DAAM1: variants seen among roughly 807,000 people sequenced by gnomAD.
DAAM1 encodes dishevelled associated activator of morphogenesis 1.
DAAM1 carries 52 observed loss-of-function variants against 130.0 expected under a neutral mutation model. The observed-to-expected ratio is 0.40, with a 90% CI of 0.32 to 0.50. The LOEUF is 0.50. Ranked by LOEUF, DAAM1 falls within the 20% of genes least tolerant of loss-of-function variation. The pLI, the probability that DAAM1 is intolerant of heterozygous loss-of-function variation, is 0.61. For missense variants in DAAM1, 1,134 were observed against 1,303.8 expected, an observed-to-expected ratio of 0.87 and a Z score of 2.01; for synonymous variants, 452 against 444.5, an observed-to-expected ratio of 1.02 and a Z score of -0.21.
intron 1 of DAAM1, among the ~76,000 whole-genome samples, chr14:59,247,069 A>G (rs1429987063): frequency 3.9e-5 from 6 of 152,130 alleles, no homozygotes; most frequent in Non-Finnish European, 8.8e-5. Flanking sequence ...ATTTTTATGT[A>G]TGATGTAAGA....
intron 17 of DAAM1, among the ~76,000 whole-genome samples, chr14:59,350,364 C>T (rs1455584285): frequency 6.6e-6 from 1 of 152,010 alleles, no homozygotes; most frequent in Non-Finnish European, 1.5e-5. Flanking sequence ...CATAAACACA[C>T]CCCTACATAC....
At chr14:59,197,261 G>A (rs1426933158) in intron 1 of DAAM1, among the ~76,000 whole-genome samples, 1 of 152,236 alleles carries the variant, frequency 6.6e-6, no homozygotes. Context: ...ATTAGTGGCT[G>A]CTATTTGATT....
At chr14:59,284,236 GT>G (rs1464026965) in intron 2 of DAAM1, among the ~76,000 whole-genome samples, 1 of 152,220 alleles carries the variant, frequency 6.6e-6, no homozygotes, top group East Asian at 1.9e-4. Flanking sequence ...AGTGTTCGTG[GT>G]TTCAGTGAGA....
At position 59,361,485 on chromosome 14, in the gene DAAM1, G is replaced by A. The variant is rs533202752; in HGVS notation, c.2694+623G>A. 4.6e-5 allele frequency among the ~76,000 whole-genome samples: 7 copies of A among 152,314 alleles called. No individual in the cohort carries two copies. In the South Asian group the frequency reaches 1.2e-3, roughly 27 times the overall value. ...CATGAGGAACAATTGGCCCCTATTG[G>A]AGGAAGCTTCTCTTTTGGAAAAGAA... is the stretch of plus-strand genomic sequence containing the variant. On this transcript the variant is annotated intron_variant, in intron 22 of 24. Transcript: ENST00000360909.
intron 1 of DAAM1, among the ~76,000 whole-genome samples, chr14:59,196,736 C>T (rs916143613): frequency 1.3e-5 from 2 of 151,740 alleles, no homozygotes; most frequent in African/African-American, 4.8e-5. Flanking sequence ...GAGCGAGATT[C>T]TGTCTCAAAA....
chr14:59,194,345 G>A (rs1047710834), intron 1 of DAAM1, among the ~76,000 whole-genome samples: 8 of 152,166 alleles, frequency 5.3e-5, no homozygotes, highest in African/African-American at 1.9e-4. Flanking sequence ...TAAAAATGTT[G>A]TTTTTGAGTA....
In DAAM1 at chr14:59,263,750, G is replaced by T. The variant is rs143294830; in HGVS notation, c.183+90G>T. 9.1e-6 allele frequency: 14 copies of T among 1,533,098 alleles called. No homozygotes were observed. The East Asian group carries it at 3.2e-4, about 35-fold the overall frequency. 95.0% of individuals were successfully genotyped at this position (1,533,098 alleles called of 1,614,324 possible). A position where few individuals can be genotyped will look rare whatever the true frequency, so the allele number is the denominator to read the frequency against. On this transcript the variant is annotated intron_variant, in intron 2 of 24. Transcript: ENST00000360909. ...GAATGAGTTGGTTTGGTTTGACATG[G>T]ACTTTTCCTTTTCAGTGAAATGGCC... is the stretch of plus-strand genomic sequence containing the variant.
intron 1 of DAAM1, among the ~76,000 whole-genome samples, chr14:59,200,343 A>G (rs1888061211): frequency 6.6e-6 from 1 of 152,180 alleles, no homozygotes; most frequent in Non-Finnish European, 1.5e-5. Flanking sequence ...CATTATTGTC[A>G]AATGCCAAAA....
chr14:59,209,531 C>A (rs993088777), intron 1 of DAAM1, among the ~76,000 whole-genome samples: 1 of 152,146 alleles, frequency 6.6e-6, no homozygotes, highest in African/African-American at 2.4e-5. Context: ...ACTTTGAATA[C>A]CCATACAACC....
At chr14:59,289,784 A>ATATATATATATATATATACATAT in intron 2 of DAAM1, among the ~76,000 whole-genome samples, 1 of 128,710 alleles carries the variant, frequency 7.8e-6, no homozygotes, top group African/African-American at 2.9e-5. Flanking sequence ...ATATATATAT[A>ATATATATATATATATATACATAT]ATGGAATGCT....
At chr14:59,224,514 A>G (rs1888875321) in intron 1 of DAAM1, among the ~76,000 whole-genome samples, 1 of 152,172 alleles carries the variant, frequency 6.6e-6, no homozygotes, top group African/African-American at 2.4e-5. Context: ...AACTTGTTTG[A>G]TTTCACAGGC....
chr14:59,308,581 A>C (rs1884456664), intron 3 of DAAM1, among the ~76,000 whole-genome samples: 1 of 152,170 alleles, frequency 6.6e-6, no homozygotes, highest in Non-Finnish European at 1.5e-5. Context: ...TCTCAAGAGC[A>C]GATGATGGAT....
At chr14:59,292,063 C>A (rs1883760684) in intron 3 of DAAM1, among the ~76,000 whole-genome samples, 1 of 152,148 alleles carries the variant, frequency 6.6e-6, no homozygotes, top group South Asian at 2.1e-4. Flanking sequence ...ACTCTGCCAA[C>A]TTTTAAACCC....
intron 3 of DAAM1, chr14:59,299,880 T>C (rs562583109): frequency 6.6e-6 from 1 of 152,258 alleles, no homozygotes; most frequent in Non-Finnish European, 1.5e-5. Context: ...CTGCACTTTT[T>C]TTCCTCTTAG....
At chr14:59,284,979 A>G (rs190320829) in intron 2 of DAAM1, among the ~76,000 whole-genome samples, 110 of 152,204 alleles carry the variant, frequency 7.2e-4, no homozygotes, top group African/African-American at 1.9e-3. Flanking sequence ...GAAACTATGC[A>G]GGGTAACCAT....
At position 59,363,766 on chromosome 14, in the gene DAAM1, C is replaced by T. The variant is rs1334533217; in HGVS notation, c.2810C>T (p.Ala937Val). Residue 937 changes from alanine to valine, a missense_variant, in exon 23 of 25, where the codon GCA (alanine) becomes GTA (valine). By Grantham distance (64) the Ala-to-Val change is moderately conservative. This residue lies in a region of DAAM1 where 644 missense variants were observed against 695.9 expected (regional missense o/e 0.93). Transcript: ENST00000360909. ...TTCTCTGATGTTGAAGACCTTCTAG[C>T]AGAAGCTAAAGACCTGGTAAGTTTC... ...FSFSDVEDLL[A>V]EAKDLFTKAV... is the part of the protein sequence containing the mutation. 1 of 1,613,980 alleles carries T rather than the reference C, an allele frequency of 6.2e-7. No homozygotes were observed.
intron 3 of DAAM1, 121 bp from the exon 4 acceptor site, chr14:59,315,159 A>G (rs1296548907): frequency 1.1e-6 from 1 of 871,362 alleles, no homozygotes; most frequent in Non-Finnish European, 2.0e-6. Context: ...AATACGTCAT[A>G]CCTTCGTGTC....
intron 1 of DAAM1, among the ~76,000 whole-genome samples, chr14:59,204,010 A>C (rs1475193223): frequency 6.6e-6 from 1 of 152,258 alleles, no homozygotes; most frequent in Non-Finnish European, 1.5e-5. Context: ...CCAAATGTTT[A>C]GGTACTCACT....
At chr14:59,200,979 A>G (rs571507852) in intron 1 of DAAM1, among the ~76,000 whole-genome samples, 5 of 151,628 alleles carry the variant, frequency 3.3e-5, no homozygotes, top group Admixed American at 2.0e-4. Flanking sequence ...GGCTAACATG[A>G]TGAAATCCTG....
Sources: allele counts gnomAD v4.1 joint callset (sites outside exome capture counted in the v4.1 genomes callset), GRCh38; gene constraint gnomAD v4.1.1; regional missense constraint gnomAD v4.1.1; transcripts MANE v1.5; gene names NCBI Gene and HGNC (gene_info 2026-07-23, HGNC 2026-07-21).